ECPAS: variants seen among roughly 807,000 people sequenced by gnomAD.
ECPAS encodes Ecm29 proteasome adaptor and scaffold, also known as proteasome adapter and scaffold protein ECM29.
In ECPAS, 70 loss-of-function variants were observed where a neutral mutation model predicts 255.1. That is an observed-to-expected ratio of 0.27 (90% CI 0.23 to 0.33). The LOEUF is 0.33. Ranked by LOEUF, ECPAS falls within the 10% of genes least tolerant of loss-of-function variation. The probability of loss-of-function intolerance (pLI) is 1.00; values close to 1 mark genes in which losing one functional copy is unlikely to be tolerated. For missense variants in ECPAS, 1,817 were observed against 2,206.4 expected (o/e 0.82, Z 3.54); for synonymous variants, 784 against 775.0 (o/e 1.01, Z -0.19).
chr9:111,437,131 A>G, intron 6 of ECPAS, 23 bp from the exon 7 acceptor site: 1 of 1,559,744 alleles, frequency 6.4e-7, no homozygotes, highest in East Asian at 2.3e-5. Context: ...TAACACTTTA[A>G]CCCTCTATAA....
intron 3 of ECPAS, among the ~76,000 whole-genome samples, chr9:111,446,560 GAAT>G (rs147173661): frequency 1.1e-4 from 16 of 152,194 alleles, no homozygotes; most frequent in Non-Finnish European, 1.6e-4. Flanking sequence ...TTATGTTTAA[GAAT>G]AATAACAACT....
rs868125760 is a variant in ECPAS, at chr9:111,404,925, A to T, written c.2652+3646T>A. Among the ~76,000 whole-genome samples, 12 of 149,594 alleles carry T rather than the reference A, an allele frequency of 8.0e-5. 2 individuals carry two copies. The highest frequency in any genetic ancestry group is 3.0e-4 in the African/African-American group (12 of 39,392). On this transcript the variant is annotated intron_variant, in intron 24 of 49. Transcript: ENST00000684092. ...AAAAAAATTAAAAAGAACACACAAA[A>T]GAGAAGACATAGCCCATGTTCATGG...
intron 1 of ECPAS, among the ~76,000 whole-genome samples, chr9:111,478,046 G>A (rs956383443): frequency 8.6e-5 from 13 of 151,786 alleles, no homozygotes; most frequent in African/African-American, 3.1e-4. Flanking sequence ...GACTACAGGC[G>A]CATGCCAACA....
chr9:111,399,481 A>G (rs2418160), intron 24 of ECPAS, among the ~76,000 whole-genome samples: 66,388 of 151,582 alleles, frequency 0.44, 14,674 homozygotes, highest in Non-Finnish European at 0.48. Flanking sequence ...GCAACTCAGT[A>G]ACACCCGGTC....
intron 1 of ECPAS, among the ~76,000 whole-genome samples, chr9:111,479,102 G>A (rs1421375253): frequency 1.3e-5 from 2 of 152,034 alleles, no homozygotes; most frequent in East Asian, 1.9e-4. Flanking sequence ...GACCTAAGAA[G>A]CCTGTTTCTC....
chr9:111,392,288 G>A (rs185027439), intron 28 of ECPAS, among the ~76,000 whole-genome samples: 1 of 152,220 alleles, frequency 6.6e-6, no homozygotes, highest in African/African-American at 2.4e-5. Flanking sequence ...TTTATAAAAT[G>A]AATTCAGAAT....
intron 48 of ECPAS, 64 bp from the exon 49 acceptor site, chr9:111,363,723 T>A: frequency 1.3e-6 from 1 of 791,036 alleles, no homozygotes; most frequent in South Asian, 1.6e-5. Context: ...AAGATTAAAT[T>A]TGTGTTGCTG....
Position 111,370,446 on chromosome 9 carries a change from G to C in ECPAS, c.4963C>G (p.Leu1655Val). ...ACAGGTGGTATTACCTTCTTGATGA[G>C]AGGTATGACAATGTTAGAGAACTCC... ...FQEFSNIVIP[L>V]IKKNSLESSG... The change falls in exon 45 of 50, where the codon CTC becomes GTC. Residue 1655 changes from leucine to valine, a missense_variant. Around this residue, in one of 4 missense-constraint regions of ECPAS, gnomAD observed 960 missense variants for 1,179.0 expected, o/e 0.81. Transcript: ENST00000684092. The C allele has an allele frequency of 1.3e-6, 2 of 1,588,468 alleles. No individual in the cohort carries two copies. Among genetic ancestry groups the C allele is most frequent in the Non-Finnish European group, 1.7e-6 (2 of 1,166,142 alleles).
At chr9:111,447,154 T>C (rs1050641611) in intron 3 of ECPAS, among the ~76,000 whole-genome samples, 10 of 151,948 alleles carry the variant, frequency 6.6e-5, no homozygotes, top group Non-Finnish European at 1.5e-4. Flanking sequence ...AGACAGGGTC[T>C]CACTCTGTCA....
chr9:111,447,462 T>C (rs1174136292), intron 3 of ECPAS, among the ~76,000 whole-genome samples: 1 of 152,194 alleles, frequency 6.6e-6, no homozygotes, highest in Non-Finnish European at 1.5e-5. Context: ...AGTAGCATTA[T>C]TGTCATGTTA....
At chr9:111,427,985 ATTAAATAGAC>A in intron 10 of ECPAS, 47 bp downstream of exon 10, 16 of 1,536,322 alleles carry the variant, frequency 1.0e-5, no homozygotes, top group Non-Finnish European at 1.4e-5. Flanking sequence ...TCTTTCTCTA[ATTAAATAGAC>A]ATAAAAGTTG....
rs1447117206 is a variant in ECPAS, at chr9:111,484,328, G to A, written c.-295C>T. The A allele has an allele frequency of 1.2e-6, 2 of 1,600,694 alleles. No individual in the cohort carries two copies. Among genetic ancestry groups the A allele is most frequent in the Admixed American group, 3.5e-5 (2 of 57,840 alleles). On this transcript the variant is annotated 5_prime_UTR_variant, in exon 1 of 50. The change creates a new upstream start codon in the 5' untranslated region. Transcript: ENST00000684092. Reference sequence around the variant, plus strand: ...CTTTTCCGAGGTCTGCGGCTGTCACGTTGGCTGGGCCCGACCTGGGGAAAC... The same window carrying A: ...CTTTTCCGAGGTCTGCGGCTGTCACATTGGCTGGGCCCGACCTGGGGAAAC...
At chr9:111,427,008 A>T (rs1008599550) in intron 10 of ECPAS, among the ~76,000 whole-genome samples, 6 of 152,062 alleles carry the variant, frequency 3.9e-5, no homozygotes, top group African/African-American at 1.2e-4. Context: ...ACAAAATATA[A>T]TCAAGTGCTA....
At chr9:111,477,109 CTTTT>C (rs1010788035) in intron 1 of ECPAS, among the ~76,000 whole-genome samples, 5 of 150,994 alleles carry the variant, frequency 3.3e-5, no homozygotes, top group East Asian at 2.0e-4. Flanking sequence ...GTCCTTTTTT[CTTTT>C]TTTTCTTTTT....
intron 8 of ECPAS, among the ~76,000 whole-genome samples, chr9:111,432,962 C>T (rs975431855): frequency 6.6e-6 from 1 of 152,174 alleles, no homozygotes; most frequent in African/African-American, 2.4e-5. Flanking sequence ...AACATCAATT[C>T]TTTAAGTTCA....
chr9:111,384,489 C>T (rs2098144803), intron 34 of ECPAS, 33 bp downstream of exon 34: 3 of 1,594,174 alleles, frequency 1.9e-6, no homozygotes, highest in Non-Finnish European at 2.6e-6. Flanking sequence ...AACCCTGCTC[C>T]ACTCCATTCC....
chr9:111,404,020 A>G (rs930643101), intron 24 of ECPAS, among the ~76,000 whole-genome samples: 1 of 149,890 alleles, frequency 6.7e-6, no homozygotes, highest in Non-Finnish European at 1.5e-5. Context: ...CAATGGATCT[A>G]TGAAAAAATT....
intron 18 of ECPAS, among the ~76,000 whole-genome samples, chr9:111,415,768 A>G (rs1280041683): frequency 6.6e-6 from 1 of 152,042 alleles, no homozygotes; most frequent in Admixed American, 6.6e-5. Flanking sequence ...CAAGGAGTCC[A>G]TCCTCTGGAA....
chr9:111,421,846 A>G, intron 15 of ECPAS, 75 bp downstream of exon 15: 1 of 1,523,002 alleles, frequency 6.6e-7, no homozygotes, highest in South Asian at 1.2e-5. Context: ...ATCAAAAGTT[A>G]AGTAGCAATT....
Sources: allele counts gnomAD v4.1 joint callset (sites outside exome capture counted in the v4.1 genomes callset), GRCh38; gene constraint gnomAD v4.1.1; regional missense constraint gnomAD v4.1.1; transcripts MANE v1.5; gene names NCBI Gene and HGNC (gene_info 2026-07-23, HGNC 2026-07-21).